The following WBP4 variants were observed in gnomAD, a reference collection of about 807,000 sequenced individuals.
The protein encoded by WBP4 is WW domain-binding protein 4.
WBP4 carries 37 observed loss-of-function variants against 55.4 expected under a neutral mutation model. That is an observed-to-expected ratio of 0.67 (90% confidence interval 0.51 to 0.88). WBP4 has a LOEUF of 0.88. Among genes scored for constraint, WBP4 ranks in the 40% least tolerant of loss-of-function variants. WBP4 has a pLI of 0.00. For synonymous variants in WBP4, 142 were observed against 140.2 expected, an observed-to-expected ratio of 1.01 and a Z score of -0.09; for missense variants, 398 against 420.8, an observed-to-expected ratio of 0.95 and a Z score of 0.47.
chr13:41,072,574 A>G (rs1878294826), intron 6 of WBP4, among the ~76,000 whole-genome samples: 1 of 152,232 alleles, frequency 6.6e-6, no homozygotes. Context: ...AAACCATGAG[A>G]AACCACCCCT....
rs1566213283 is a variant in WBP4, at chr13:41,076,268, AATTTT to A, written c.756+32_756+36del. On this transcript the variant is annotated intron_variant, in intron 8 of 9. Transcript: ENST00000379487. ...TTTTTAAATTTTACTCTTCACATCA[AATTTT>A]TTTTTTTTTTTTTTTTTTTTTTTTG... 8.6e-5 allele frequency: 113 copies of A among 1,321,182 alleles called. No homozygotes were observed. The East Asian group carries it at 1.8e-3, about 21-fold the overall frequency. The allele number at this position is 1,321,182 out of a possible 1,614,324, so 81.8% of individuals were successfully genotyped here.
At chr13:41,074,233 A>G (rs944105532) in intron 7 of WBP4, among the ~76,000 whole-genome samples, 17 of 152,206 alleles carry the variant, frequency 1.1e-4, no homozygotes, top group African/African-American at 4.1e-4. Flanking sequence ...GCCCGGCCCT[A>G]AAACTTTCAA....
At position 41,065,244 on chromosome 13, in the gene WBP4, G is replaced by A; in HGVS notation, c.219G>A (p.Leu73=). The part of the protein sequence containing the change: ...KEFAAMEAAA[L]KAYQEDLKRL... ...TTGCTGCAATGGAGGCAGCTGCCCT[G>A]AAAGCATACCAAGAGGATTTGAAAA... Residue 73 remains leucine, a synonymous_variant, in exon 4 of 10, where the codon CTG becomes CTA. Coordinates refer to ENST00000379487, the MANE Select transcript of WBP4 (RefSeq NM_007187.5). 6.4e-7 allele frequency: 1 copy of A among 1,566,648 alleles called. No homozygotes were observed. Among genetic ancestry groups the A allele is most frequent in the Non-Finnish European group, 8.7e-7 (1 of 1,154,984 alleles).
At chr13:41,062,112 T>TC in intron 1 of WBP4, 1 of 973,536 alleles carries the variant, frequency 1.0e-6, no homozygotes, top group Non-Finnish European at 1.2e-6. Flanking sequence ...TTTTTTTTTT[T>TC]TTTTTTTTTT....
At chr13:41,063,195 T>A (rs916898973) in intron 2 of WBP4, among the ~76,000 whole-genome samples, 2 of 151,834 alleles carry the variant, frequency 1.3e-5, no homozygotes, top group Admixed American at 1.3e-4. Context: ...AAGTAACAAC[T>A]CTGTTAGGTA....
intron 5 of WBP4, among the ~76,000 whole-genome samples, chr13:41,070,991 A>G (rs778583225): frequency 3.3e-5 from 5 of 152,350 alleles, no homozygotes; most frequent in African/African-American, 9.6e-5. Context: ...TGAAGATATC[A>G]TAAATGATTA....
At chr13:41,081,188 T>G (rs1399176428) in intron 9 of WBP4, among the ~76,000 whole-genome samples, 1 of 151,392 alleles carries the variant, frequency 6.6e-6, no homozygotes, top group Non-Finnish European at 1.5e-5. Flanking sequence ...AGAGCAAGAC[T>G]CCATCTCGAA....
chr13:41,062,108 T>TTG (rs1555284055), intron 1 of WBP4: 2 of 964,042 alleles, frequency 2.1e-6, no homozygotes, highest in Non-Finnish European at 2.4e-6. Flanking sequence ...TTTTTTTTTT[T>TTG]TTTTTTTTTT....
intron 7 of WBP4, among the ~76,000 whole-genome samples, chr13:41,073,679 G>C (rs1878350721): frequency 6.6e-6 from 1 of 151,866 alleles, no homozygotes; most frequent in Admixed American, 6.6e-5. Context: ...GTGGTGGTGG[G>C]CACCTGTAGT....
In WBP4 at chr13:41,080,792, A is replaced by C. The variant is rs1566215179; in HGVS notation, c.903A>C (p.Lys301Asn). 6.2e-7 allele frequency: 1 copy of C among 1,606,832 alleles called. No individual in the cohort carries two copies. The highest frequency in any genetic ancestry group is 8.5e-7 in the Non-Finnish European group (1 of 1,178,494). ...CATATGGAGAATGGCAAGAAATTAAACAAGAGGTTGAGTCTCAGTAAGTAC... is the reference window on the plus strand; with the variant it reads ...CATATGGAGAATGGCAAGAAATTAACCAAGAGGTTGAGTCTCAGTAAGTAC... Reference protein sequence around the residue: ...SNPYGEWQEIKQEVESHEEVD... With the variant: ...SNPYGEWQEINQEVESHEEVD... The change falls in exon 9 of 10, where the codon AAA (lysine) becomes AAC (asparagine). Residue 301 changes from lysine to asparagine, a missense_variant. Lys to Asn is a moderately conservative substitution (Grantham distance 94). Transcript: ENST00000379487.
At chr13:41,061,826 G>A in intron 1 of WBP4, 151 bp downstream of exon 1, 3 of 1,348,014 alleles carry the variant, frequency 2.2e-6, no homozygotes, top group South Asian at 1.3e-5. Flanking sequence ...CAGACCTGCA[G>A]GGCCGGTTCT....
intron 1 of WBP4, 72 bp downstream of exon 1, chr13:41,061,747 C>T: frequency 7.5e-6 from 12 of 1,605,514 alleles, no homozygotes; most frequent in African/African-American, 1.3e-5. Context: ...CCGGGTCTTC[C>T]CCTCCTCTCC....
chr13:41,076,226 ATAAAGT>A lies in WBP4; in HGVS notation c.747_752del (p.Phe251_Lys252del). On this transcript the variant is annotated inframe_deletion, in exon 8 of 10. Transcript: ENST00000379487. ...CTCTACAGAGACAGAAAAGCCAAAA[ATAAAGT>A]TTAAGGTAGGTTTTTAAATTTTACT... is the stretch of plus-strand genomic sequence containing the variant. The A allele has an allele frequency of 6.3e-7, 1 of 1,582,890 alleles. No homozygotes were observed. The highest frequency in any genetic ancestry group is 8.5e-7 in the Non-Finnish European group (1 of 1,172,492).
intron 1 of WBP4, chr13:41,062,017 C>T (rs777352004): frequency 3.4e-4 from 334 of 978,810 alleles, no homozygotes; most frequent in Non-Finnish European, 4.0e-4. Flanking sequence ...AGCCCCTGAA[C>T]CCTAGGGTAT....
At chr13:41,062,737 G>C (rs770775567) in intron 2 of WBP4, 21 bp downstream of exon 2, 2 of 1,592,476 alleles carry the variant, frequency 1.3e-6, no homozygotes, top group Non-Finnish European at 1.7e-6. Context: ...TCCGCTGTTA[G>C]AGATTCTAAT....
At chr13:41,078,170 G>C (rs568696687) in intron 8 of WBP4, among the ~76,000 whole-genome samples, 1 of 152,254 alleles carries the variant, frequency 6.6e-6, no homozygotes, top group East Asian at 1.9e-4. Flanking sequence ...CCAAAAAAGA[G>C]CCTCAATAAC....
intron 6 of WBP4, among the ~76,000 whole-genome samples, chr13:41,072,446 G>A (rs1421891225): frequency 1.3e-5 from 2 of 152,332 alleles, no homozygotes; most frequent in East Asian, 1.9e-4. Context: ...AGGGAAAACA[G>A]TCACATCTTA....
chr13:41,061,574 C>T lies in WBP4; in HGVS notation c.-100C>T, dbSNP rs1877636617. ...AAGGTGTCTGGATCGGAGGGAGGTTCGGGTGGGCATCGGGCGGCTGGAAGA... is the reference window on the plus strand; with the variant it reads ...AAGGTGTCTGGATCGGAGGGAGGTTTGGGTGGGCATCGGGCGGCTGGAAGA... On this transcript the variant is annotated 5_prime_UTR_variant, in exon 1 of 10. Transcript: ENST00000379487. 2 of 1,581,732 alleles carry T rather than the reference C, an allele frequency of 1.3e-6. No individual in the cohort carries two copies. The highest frequency in any genetic ancestry group is 1.1e-5 in the South Asian group (1 of 89,828).
At chr13:41,065,363 A>G (rs1877927774) in intron 4 of WBP4, 76 bp downstream of exon 4, 2 of 1,474,872 alleles carry the variant, frequency 1.4e-6, no homozygotes, top group Non-Finnish European at 1.8e-6. Context: ...GTAAGCTTTG[A>G]TTGCTTCCAT....
Sources: gnomAD v4.1 joint callset for allele counts (sites outside exome capture counted in the v4.1 genomes callset) on GRCh38, gnomAD v4.1.1 for gene constraint, MANE v1.5 for transcripts, NCBI Gene and HGNC (gene_info 2026-07-23, HGNC 2026-07-21) for gene names.